The following SUPT3H variants were observed in gnomAD, a reference collection of about 807,000 sequenced individuals.
SUPT3H encodes transcription initiation protein SPT3 homolog.
Under a neutral mutation model 44.3 loss-of-function variants are expected in SUPT3H, and 44 were observed. The observed-to-expected ratio is 0.99, with a 90% CI of 0.78 to 1.28. The LOEUF (loss-of-function observed/expected upper bound fraction) is 1.28, where lower values mean the gene tolerates loss of function less well. Ranked by LOEUF, SUPT3H falls within the 50% of genes most tolerant of loss-of-function variation. The pLI is 0.00. For missense variants in SUPT3H, 380 were observed against 387.1 expected (o/e 0.98, Z 0.15); for synonymous variants, 124 against 125.6 (o/e 0.99, Z 0.09).
intron 2 of SUPT3H, among the ~76,000 whole-genome samples, chr6:45,300,441 T>C (rs1781971628): frequency 6.6e-6 from 1 of 152,158 alleles, no homozygotes; most frequent in Non-Finnish European, 1.5e-5. Context: ...GGTGAGCATG[T>C]GGAGAATCAA....
intron 2 of SUPT3H, among the ~76,000 whole-genome samples, chr6:45,357,706 T>C (rs1325925383): frequency 6.6e-6 from 1 of 152,126 alleles, no homozygotes; most frequent in East Asian, 1.9e-4. Context: ...ATAAAAATAA[T>C]GAATTGACAG....
chr6:45,193,887 CAT>C (rs1815555028), intron 2 of SUPT3H, among the ~76,000 whole-genome samples: 1 of 152,122 alleles, frequency 6.6e-6, no homozygotes, highest in South Asian at 2.1e-4. Flanking sequence ...TGTAAACTAA[CAT>C]ACAGCTTTTG....
At chr6:44,942,252 C>T (rs1237421777) in intron 9 of SUPT3H, among the ~76,000 whole-genome samples, 3 of 151,592 alleles carry the variant, frequency 2.0e-5, no homozygotes, top group Non-Finnish European at 4.4e-5. Flanking sequence ...GAATGAGTTG[C>T]AGAGTACAAT....
At chr6:45,052,427 T>C (rs1790444847) in intron 3 of SUPT3H, among the ~76,000 whole-genome samples, 1 of 152,160 alleles carries the variant, frequency 6.6e-6, no homozygotes, top group African/African-American at 2.4e-5. Flanking sequence ...TTGAAAGGTT[T>C]TATAGGAATG....
At position 45,370,604 on chromosome 6, in the gene SUPT3H, C is replaced by T. The variant is rs908130356; in HGVS notation, c.1-5303G>A. ...TAAGGATCAACTAATCTCATAAGTT[C>T]AGTTTCTCTGTCAGGAATAATTTAT... On this transcript the variant is annotated intron_variant, in intron 1 of 10. Transcript: ENST00000371459. Among the ~76,000 whole-genome samples the T allele has an allele frequency of 2.6e-5, 4 of 152,212 alleles. No homozygotes were observed. The South Asian group carries it at 8.3e-4, about 32-fold the overall frequency.
At chr6:45,301,698 GA>G (rs1782165742) in intron 2 of SUPT3H, among the ~76,000 whole-genome samples, 1 of 152,120 alleles carries the variant, frequency 6.6e-6, no homozygotes, top group Non-Finnish European at 1.5e-5. Flanking sequence ...TCAAATACTT[GA>G]AAGCAAGGAT....
chr6:45,365,327 T>G (rs200032531), intron 1 of SUPT3H, 26 bp from the exon 2 acceptor site: 1 of 1,481,062 alleles, frequency 6.8e-7, no homozygotes, highest in Non-Finnish European at 9.4e-7. Context: ...AAATAAAGCT[T>G]ACAAAATGTA....
chr6:45,249,071 G>A (rs894158536), intron 2 of SUPT3H, among the ~76,000 whole-genome samples: 6 of 152,036 alleles, frequency 3.9e-5, no homozygotes, highest in Admixed American at 2.0e-4. Flanking sequence ...TAGAAACCAC[G>A]TGATATCGTT....
At chr6:44,961,857 T>C in intron 6 of SUPT3H, 29 bp from the exon 7 acceptor site, 1 of 1,518,332 alleles carries the variant, frequency 6.6e-7, no homozygotes, top group Non-Finnish European at 9.0e-7. Context: ...TAACATTTTT[T>C]AAAGCAAGCA....
At chr6:45,237,996 C>T (rs1769525445) in intron 2 of SUPT3H, among the ~76,000 whole-genome samples, 1 of 152,152 alleles carries the variant, frequency 6.6e-6, no homozygotes, top group Admixed American at 6.5e-5. Flanking sequence ...AGACTGTGAA[C>T]ACTTTGCACT....
chr6:45,365,257 A>G lies in SUPT3H; in HGVS notation c.45T>C (p.Ser15=). The stretch of plus-strand genomic sequence containing the variant: ...TAGACTTCCCTGTACTCCTTCCACT[A>G]CTTGAAGTTGCAGTAGACATTGGAC... ...AASPMSTATS[S]SGRSTGKSIS... The change falls in exon 2 of 11, where the codon AGT becomes AGC. Residue 15 remains serine (S), a synonymous_variant. Transcript: ENST00000371459. 1 of 1,612,598 alleles carries G rather than the reference A, an allele frequency of 6.2e-7. No individual in the cohort carries two copies. The highest frequency in any genetic ancestry group is 8.5e-7 in the Non-Finnish European group (1 of 1,179,200).
chr6:44,886,062 G>C (rs1367154955), intron 10 of SUPT3H, among the ~76,000 whole-genome samples: 1 of 152,080 alleles, frequency 6.6e-6, no homozygotes, highest in Admixed American at 6.5e-5. Context: ...GGGAAGTTTA[G>C]AGAAAAAAGA....
chr6:45,324,440 T>C (rs1002006085), intron 2 of SUPT3H, among the ~76,000 whole-genome samples: 2 of 151,954 alleles, frequency 1.3e-5, no homozygotes, highest in Non-Finnish European at 2.9e-5. Context: ...GAGCTCCAAA[T>C]CTACCGAGTA....
chr6:45,359,586 T>A (rs565800819), intron 2 of SUPT3H, among the ~76,000 whole-genome samples: 3 of 152,316 alleles, frequency 2.0e-5, no homozygotes, highest in South Asian at 2.1e-4. Context: ...TATGGCCACA[T>A]TTGTATCCAA....
At chr6:45,075,056 T>G (rs557292683) in intron 3 of SUPT3H, among the ~76,000 whole-genome samples, 39 of 152,178 alleles carry the variant, frequency 2.6e-4, no homozygotes, top group African/African-American at 8.7e-4. Flanking sequence ...ATCTCTCTCC[T>G]AAGGAATGAT....
intron 2 of SUPT3H, among the ~76,000 whole-genome samples, chr6:45,127,659 C>A (rs974443705): frequency 6.6e-6 from 1 of 152,056 alleles, no homozygotes; most frequent in African/African-American, 2.4e-5. Flanking sequence ...TTCTCAGAGA[C>A]TTCTATTTTC....
intron 2 of SUPT3H, among the ~76,000 whole-genome samples, chr6:45,275,939 G>C (rs1310416187): frequency 6.6e-6 from 1 of 151,958 alleles, no homozygotes; most frequent in Non-Finnish European, 1.5e-5. Flanking sequence ...TAACTATCTA[G>C]TTCCCTTACT....
At chr6:45,251,395 GCACACACACA>G (rs70996313) in intron 2 of SUPT3H, among the ~76,000 whole-genome samples, 11 of 144,970 alleles carry the variant, frequency 7.6e-5, no homozygotes, top group Admixed American at 2.8e-4. Flanking sequence ...AAGAGAAGCT[GCACACACACA>G]CACACACACA....
chr6:45,155,423 G>C (rs905841291), intron 2 of SUPT3H, among the ~76,000 whole-genome samples: 1 of 152,096 alleles, frequency 6.6e-6, no homozygotes, highest in African/African-American at 2.4e-5. Context: ...GGCTGATGTG[G>C]GCAGCAGTGA....
Sources: gnomAD v4.1 joint callset for allele counts (sites outside exome capture counted in the v4.1 genomes callset) on GRCh38, gnomAD v4.1.1 for gene constraint, MANE v1.5 for transcripts, NCBI Gene and HGNC (gene_info 2026-07-23, HGNC 2026-07-21) for gene names.